EPHA3: variants seen among roughly 807,000 people sequenced by gnomAD.
EPHA3 encodes the protein ephrin type-A receptor 3.
Under a neutral mutation model 107.1 loss-of-function variants are expected in EPHA3, and 42 were observed. The observed-to-expected ratio is 0.39, with a 90% CI of 0.31 to 0.51. The LOEUF (loss-of-function observed/expected upper bound fraction) is 0.51, where lower values mean the gene tolerates loss of function less well. Among genes scored for constraint, EPHA3 ranks in the 20% least tolerant of loss-of-function variants. The probability of loss-of-function intolerance (pLI) is 0.78; values close to 1 mark genes in which losing one functional copy is unlikely to be tolerated. For missense variants in EPHA3, 1,183 were observed against 1,211.2 expected (o/e 0.98, Z 0.35); for synonymous variants, 461 against 424.8 (o/e 1.09, Z -1.05).
chr3:89,352,929 A>AAAAAAAAAAAAGG (rs1707864110), intron 5 of EPHA3, among the ~76,000 whole-genome samples: 2 of 149,828 alleles, frequency 1.3e-5, no homozygotes, highest in African/African-American at 4.9e-5. Flanking sequence ...AAAAAGGAAA[A>AAAAAAAAAAAAGG]AGAAAGAAAG....
intron 2 of EPHA3, among the ~76,000 whole-genome samples, chr3:89,199,926 A>G (rs1211447260): frequency 6.6e-6 from 1 of 152,232 alleles, no homozygotes; most frequent in Non-Finnish European, 1.5e-5. Context: ...GTAAATTAAA[A>G]TAGGGCGCTT....
At chr3:89,253,020 A>T (rs1249792164) in intron 3 of EPHA3, among the ~76,000 whole-genome samples, 2 of 151,820 alleles carry the variant, frequency 1.3e-5, no homozygotes, top group South Asian at 2.1e-4. Flanking sequence ...CCATTGCCAG[A>T]GGCTGTTTAG....
chr3:89,219,788 A>G (rs1184926750), intron 3 of EPHA3, among the ~76,000 whole-genome samples: 1 of 124,534 alleles, frequency 8.0e-6, no homozygotes, highest in Non-Finnish European at 1.6e-5. Flanking sequence ...GGCTCACTGC[A>G]AGCTCCACCT....
At position 89,340,942 on chromosome 3, in the gene EPHA3, T is replaced by G; in HGVS notation, c.841T>G (p.Leu281Val). 3.1e-6 allele frequency: 5 copies of G among 1,613,326 alleles called. No homozygotes were observed. Among genetic ancestry groups the G allele is most frequent in the Non-Finnish European group, 4.2e-6 (5 of 1,179,726 alleles). The change falls in exon 4 of 17, where the codon TTG becomes GTG. Residue 281 changes from leucine (L) to valine (V), a missense_variant. Physicochemically the swap from Leu to Val is conservative, Grantham distance 32. Transcript: ENST00000336596. ...TTGTCGACCAGGTTTCTACAAGGCA[T>G]TGGATGGTAATATGAAGTGTGCTAA... The part of the protein sequence containing the change: ...QACRPGFYKA[L>V]DGNMKCAKCP...
rs1456894840 is a variant in EPHA3 at position 89,235,980 on chromosome 3, G to A, written c.814+25460G>A. On this transcript the variant is annotated intron_variant, in intron 3 of 16. Transcript: ENST00000336596. ...ATATTCAATAAACATGGGAAGAAATGTTCCATATCATTAGTGGTCAGTGAC... is the reference window on the plus strand; with the variant it reads ...ATATTCAATAAACATGGGAAGAAATATTCCATATCATTAGTGGTCAGTGAC... 3.3e-5 allele frequency among the ~76,000 whole-genome samples: 5 copies of A among 152,140 alleles called. 1 individual carries two copies. In the South Asian group the frequency reaches 8.3e-4, roughly 25 times the overall value.
At chr3:89,301,541 T>C (rs1162731323) in intron 3 of EPHA3, among the ~76,000 whole-genome samples, 3 of 152,074 alleles carry the variant, frequency 2.0e-5, no homozygotes, top group African/African-American at 7.2e-5. Flanking sequence ...TTTACATATT[T>C]AAGTATTTTC....
At chr3:89,469,832 A>G (rs73846183) in intron 15 of EPHA3, among the ~76,000 whole-genome samples, 2,931 of 152,240 alleles carry the variant, frequency 0.019, 103 homozygotes, top group African/African-American at 0.064. Context: ...ATAAGGATAA[A>G]TGCATGTCGA....
chr3:89,275,160 A>T (rs1451380566), intron 3 of EPHA3, among the ~76,000 whole-genome samples: 1 of 151,986 alleles, frequency 6.6e-6, no homozygotes, highest in East Asian at 1.9e-4. Flanking sequence ...ATCAGGTTTT[A>T]TATATATCAA....
At chr3:89,469,711 T>C (rs572879631) in intron 15 of EPHA3, among the ~76,000 whole-genome samples, 2 of 152,348 alleles carry the variant, frequency 1.3e-5, no homozygotes, top group Admixed American at 6.5e-5. Context: ...TTGCTACTCA[T>C]ATGTAAAACA....
intron 2 of EPHA3, among the ~76,000 whole-genome samples, chr3:89,128,220 C>G (rs1704133177): frequency 6.6e-6 from 1 of 152,110 alleles, no homozygotes; most frequent in South Asian, 2.1e-4. Flanking sequence ...ATAGCACCAG[C>G]TTCTTCACCA....
At chr3:89,287,121 A>G (rs1192364817) in intron 3 of EPHA3, among the ~76,000 whole-genome samples, 1 of 152,174 alleles carries the variant, frequency 6.6e-6, no homozygotes, top group Non-Finnish European at 1.5e-5. Context: ...AACAGGAAAA[A>G]CATTTCAAGC....
Position 89,481,066 on chromosome 3 carries a change from T to C in EPHA3, c.*1564T>C, listed in dbSNP as rs546283177. On this transcript the variant is annotated 3_prime_UTR_variant, in exon 17 of 17. Transcript: ENST00000336596. ...ATTCTGAAGCAACATTTTAGCTCTATTGATACTCTTTCTAATGCTGATATG... is the reference window on the plus strand; with the variant it reads ...ATTCTGAAGCAACATTTTAGCTCTACTGATACTCTTTCTAATGCTGATATG... 4.3e-6 allele frequency: 1 copy of C among 231,892 alleles called. No homozygotes were observed. Among genetic ancestry groups the C allele is most frequent in the East Asian group, 6.1e-5 (1 of 16,332 alleles). 14.4% of individuals were successfully genotyped at this position (231,892 alleles called of 1,614,324 possible).
chr3:89,415,445 A>G (rs899854659), intron 10 of EPHA3, among the ~76,000 whole-genome samples: 2 of 145,894 alleles, frequency 1.4e-5, no homozygotes, highest in Admixed American at 1.4e-4. Flanking sequence ...TAACTTTCAG[A>G]GTCAATTAAA....
chr3:89,110,222 T>G (rs942945661), intron 1 of EPHA3, among the ~76,000 whole-genome samples: 3 of 151,972 alleles, frequency 2.0e-5, no homozygotes, highest in Non-Finnish European at 4.4e-5. Flanking sequence ...TGTAAAAAAT[T>G]TATGAGAAAT....
rs373471415 is a variant in EPHA3, at chr3:89,153,244, GT to G, written c.153+25974del. On this transcript the variant is annotated intron_variant, in intron 2 of 16. Coordinates refer to ENST00000336596, the MANE Select transcript of EPHA3 (RefSeq NM_005233.6). ...AATGAGTCAGAGAGAAGATGAGAAT[GT>G]TTCATATATTTACTTCACTTAAGAT... 3.9e-5 allele frequency among the ~76,000 whole-genome samples: 6 copies of G among 152,104 alleles called. 1 individual carries two copies. The highest frequency in any genetic ancestry group is 1.2e-4 in the African/African-American group (5 of 41,542).
chr3:89,416,996 A>ATT (rs1290769656), intron 10 of EPHA3, among the ~76,000 whole-genome samples: 1 of 151,472 alleles, frequency 6.6e-6, no homozygotes, highest in Non-Finnish European at 1.5e-5. Flanking sequence ...TTTCATATTC[A>ATT]TTTGTCAGTT....
At chr3:89,388,653 G>A (rs1215654300) in intron 5 of EPHA3, among the ~76,000 whole-genome samples, 2 of 152,190 alleles carry the variant, frequency 1.3e-5, no homozygotes, top group East Asian at 3.9e-4. Context: ...AAGCTGGTAT[G>A]TATGTTGCAG....
At chr3:89,361,805 C>T (rs1007389092) in intron 5 of EPHA3, among the ~76,000 whole-genome samples, 9 of 151,032 alleles carry the variant, frequency 6.0e-5, no homozygotes, top group African/African-American at 2.2e-4. Context: ...AGTGTGGGGA[C>T]CACATGAGAG....
rs1395291781 is a variant in EPHA3, at chr3:89,290,522, G to A, written c.815-50394G>A. Among the ~76,000 whole-genome samples the A allele has an allele frequency of 2.6e-5, 4 of 152,120 alleles. No individual in the cohort carries two copies. In the East Asian group the frequency reaches 7.7e-4, roughly 29 times the overall value. ...AGTTATGAAAAAGGAATTGTGACAA[G>A]TGTTAATTAAAAATTCCTTATTAAT... On this transcript the variant is annotated intron_variant, in intron 3 of 16. Coordinates refer to ENST00000336596, the MANE Select transcript of EPHA3 (RefSeq NM_005233.6).
Sources: allele counts gnomAD v4.1 joint callset (sites outside exome capture counted in the v4.1 genomes callset), GRCh38; gene constraint gnomAD v4.1.1; transcripts MANE v1.5; gene names NCBI Gene and HGNC (gene_info 2026-07-23, HGNC 2026-07-21).